The following SLC30A8 variants were observed in gnomAD, a reference collection of about 807,000 sequenced individuals.
SLC30A8 encodes the protein proton-coupled zinc antiporter SLC30A8.
A neutral mutation model predicts 36.9 loss-of-function variants in SLC30A8; 27 were observed. The ratio of observed to expected loss-of-function variants is 0.73; its 90% confidence interval spans 0.54 to 1.01. The LOEUF (loss-of-function observed/expected upper bound fraction) is 1.01, where lower values mean the gene tolerates loss of function less well. Ranked by LOEUF, SLC30A8 falls within the 50% of genes least tolerant of loss-of-function variation. The probability of loss-of-function intolerance (pLI) is 0.00; values close to 1 mark genes in which losing one functional copy is unlikely to be tolerated. For synonymous variants in SLC30A8, 164 were observed against 172.4 expected, an observed-to-expected ratio of 0.95 and a Z score of 0.38; for missense variants, 439 against 452.0, an observed-to-expected ratio of 0.97 and a Z score of 0.26.
chr8:117,024,546 T>C (rs969995173), intron 1 of SLC30A8, among the ~76,000 whole-genome samples: 11 of 152,352 alleles, frequency 7.2e-5, no homozygotes, highest in African/African-American at 2.6e-4. Flanking sequence ...GTACTTGTAT[T>C]ACCCCTCTGC....
chr8:117,045,122 C>T (rs1263606848), intron 2 of SLC30A8, among the ~76,000 whole-genome samples: 1 of 152,126 alleles, frequency 6.6e-6, no homozygotes, highest in Non-Finnish European at 1.5e-5. Context: ...GGGAGCCAGC[C>T]CAGCTTTGAT....
At chr8:116,954,827 TA>T (rs1293603575) in intron 1 of SLC30A8, among the ~76,000 whole-genome samples, 1 of 152,102 alleles carries the variant, frequency 6.6e-6, no homozygotes, top group African/African-American at 2.4e-5. Flanking sequence ...GATAGCCAAA[TA>T]AGAGTAGAGA....
chr8:117,019,596 C>T (rs1193204656), intron 1 of SLC30A8, among the ~76,000 whole-genome samples: 2 of 152,182 alleles, frequency 1.3e-5, no homozygotes, highest in Admixed American at 6.5e-5. Flanking sequence ...GTTCCTTTCT[C>T]CTTCCTTCTT....
chr8:117,139,544 A>G (rs917304717), intron 1 of SLC30A8, among the ~76,000 whole-genome samples: 1 of 152,116 alleles, frequency 6.6e-6, no homozygotes, highest in African/African-American at 2.4e-5. Flanking sequence ...GTATGTTGTT[A>G]TAGTAGCTGA....
chr8:117,119,975 A>G (rs930905897), intron 2 of SLC30A8, among the ~76,000 whole-genome samples: 4 of 151,986 alleles, frequency 2.6e-5, no homozygotes, highest in Non-Finnish European at 4.4e-5. Context: ...AAGAAAAGAC[A>G]TAAGTAAATA....
chr8:116,979,757 A>G (rs900280331), intron 1 of SLC30A8, among the ~76,000 whole-genome samples: 1 of 152,140 alleles, frequency 6.6e-6, no homozygotes, highest in Non-Finnish European at 1.5e-5. Flanking sequence ...GAAATAAGGC[A>G]TTTGCAAGAT....
At position 117,135,140 on chromosome 8, in the gene SLC30A8, C is replaced by T. The variant is rs1199518783; in HGVS notation, c.-188C>T. On this transcript the variant is annotated 5_prime_UTR_variant, in exon 1 of 8. Transcript: ENST00000456015. The stretch of plus-strand genomic sequence containing the variant: ...AAAACAATGAAGCCAGGTAATATTG[C>T]AAGGAGGCTGTAATTTTAGCAGACC... 2 of 426,154 alleles carry T rather than the reference C, an allele frequency of 4.7e-6. No homozygotes were observed. Among genetic ancestry groups the T allele is most frequent in the East Asian group, 3.4e-5 (1 of 29,342 alleles). The allele number at this position is 426,154 out of a possible 1,614,324, so 26.4% of individuals were successfully genotyped here.
intron 1 of SLC30A8, among the ~76,000 whole-genome samples, chr8:116,989,485 A>C (rs954674681): frequency 5.4e-4 from 82 of 152,156 alleles, no homozygotes; most frequent in African/African-American, 1.8e-3. Flanking sequence ...TATTTACCTA[A>C]ATTGTTTATT....
At chr8:116,987,127 G>C (rs1184764228) in intron 1 of SLC30A8, among the ~76,000 whole-genome samples, 2 of 152,138 alleles carry the variant, frequency 1.3e-5, no homozygotes, top group Non-Finnish European at 2.9e-5. Context: ...AGGGAATCCA[G>C]TGTCTATTCA....
intron 2 of SLC30A8, among the ~76,000 whole-genome samples, chr8:117,051,539 C>T (rs573987370): frequency 2.0e-5 from 3 of 152,246 alleles, no homozygotes; most frequent in African/African-American, 7.2e-5. Flanking sequence ...TGGGGCTGGG[C>T]GTGGTGGTTC....
At chr8:117,102,621 G>A (rs570853669) in intron 2 of SLC30A8, among the ~76,000 whole-genome samples, 1 of 152,258 alleles carries the variant, frequency 6.6e-6, no homozygotes, top group African/African-American at 2.4e-5. Context: ...AAAGGCTCTA[G>A]GGAAGACTTC....
intron 2 of SLC30A8, among the ~76,000 whole-genome samples, chr8:117,098,060 T>TTTAAAAATATAAA (rs1481566300): frequency 2.9e-5 from 4 of 137,910 alleles, no homozygotes; most frequent in Non-Finnish European, 6.1e-5. Context: ...ATAATTATAA[T>TTTAAAAATATAAA]TTAAAAATAT....
rs978295587 is a variant in SLC30A8 at position 117,070,657 on chromosome 8, C to A, written c.-226+31399C>A. The stretch of plus-strand genomic sequence containing the variant: ...ATATGTTATTATTGACTTTAGTCAT[C>A]CTGTTGTGCAATATATCTCAAAACC... On this transcript the variant is annotated intron_variant, in intron 2 of 10. Transcript: ENST00000427715. Among the ~76,000 whole-genome samples, 13 of 152,110 alleles carry A rather than the reference C, an allele frequency of 8.5e-5. 1 individual carries two copies. Among genetic ancestry groups the A allele is most frequent in the Admixed American group, 6.6e-5 (1 of 15,266 alleles).
intron 1 of SLC30A8, among the ~76,000 whole-genome samples, chr8:117,008,207 C>G (rs1267999769): frequency 6.6e-6 from 1 of 152,100 alleles, no homozygotes; most frequent in Admixed American, 6.5e-5. Flanking sequence ...TTTTTTTGAG[C>G]TTGGATGAAC....
chr8:117,174,911 G>A lies in SLC30A8; in HGVS notation c.*2230G>A, dbSNP rs1320901062. The A allele has an allele frequency of 1.3e-5, 2 of 152,102 alleles. No homozygotes were observed. The highest frequency in any genetic ancestry group is 2.9e-5 in the Non-Finnish European group (2 of 67,974). 9.4% of individuals were successfully genotyped at this position (152,102 alleles called of 1,614,324 possible). A position where few individuals can be genotyped will look rare whatever the true frequency, so the allele number is the denominator to read the frequency against. On this transcript the variant is annotated 3_prime_UTR_variant, in exon 8 of 8. Transcript: ENST00000456015. ...GACAATCTACAAGGGAGATTTTAAG[G>A]ATTTTGAGATGAAAAAACAGATGCT...
At chr8:117,110,199 T>C (rs1433343507) in intron 2 of SLC30A8, among the ~76,000 whole-genome samples, 1 of 152,048 alleles carries the variant, frequency 6.6e-6, no homozygotes, top group Non-Finnish European at 1.5e-5. Flanking sequence ...GAGAGAGGTA[T>C]TGAGGCTTGC....
At chr8:116,991,764 C>CA (rs1194824041) in intron 1 of SLC30A8, among the ~76,000 whole-genome samples, 1 of 152,074 alleles carries the variant, frequency 6.6e-6, no homozygotes, top group Non-Finnish European at 1.5e-5. Context: ...TTTGTCAGTA[C>CA]ACATTCATAA....
chr8:117,049,649 C>T (rs1235948806), intron 2 of SLC30A8, among the ~76,000 whole-genome samples: 1 of 152,228 alleles, frequency 6.6e-6, no homozygotes, highest in Non-Finnish European at 1.5e-5. Context: ...CCCAGGTGGG[C>T]ACTGTGCCCT....
chr8:116,962,625 A>T (rs1354121254), intron 1 of SLC30A8, among the ~76,000 whole-genome samples: 1 of 152,014 alleles, frequency 6.6e-6, no homozygotes, highest in African/African-American at 2.4e-5. Flanking sequence ...AGAATTAGAA[A>T]TTAAAGAGCA....
Sources: gnomAD v4.1 joint callset for allele counts (sites outside exome capture counted in the v4.1 genomes callset) on GRCh38, gnomAD v4.1.1 for gene constraint, MANE v1.5 for transcripts, NCBI Gene and HGNC (gene_info 2026-07-23, HGNC 2026-07-21) for gene names.